Variants in PTPRG observed in about 807,000 individuals in gnomAD.
The protein encoded by PTPRG is protein tyrosine phosphatase receptor type G, also known as receptor-type tyrosine-protein phosphatase gamma.
In PTPRG, 102 loss-of-function variants were observed where a neutral mutation model predicts 165.3. The ratio of observed to expected loss-of-function variants is 0.62; its 90% CI spans 0.53 to 0.73. The LOEUF (loss-of-function observed/expected upper bound fraction) is 0.73, where lower values mean the gene tolerates loss of function less well. Among genes scored for constraint, PTPRG ranks in the 30% least tolerant of loss-of-function variants. The probability of loss-of-function intolerance (pLI) is 0.00; values close to 1 mark genes in which losing one functional copy is unlikely to be tolerated. For missense variants in PTPRG, 1,866 were observed against 1,861.4 expected, an observed-to-expected ratio of 1.00 and a Z score of -0.05; for synonymous variants, 675 against 669.5, an observed-to-expected ratio of 1.01 and a Z score of -0.13.
chr3:61,793,183 C>T (rs1334415928), intron 2 of PTPRG, among the ~76,000 whole-genome samples: 1 of 152,202 alleles, frequency 6.6e-6, no homozygotes, highest in Non-Finnish European at 1.5e-5. Flanking sequence ...CTGCTTCTCA[C>T]AGTTCTACTA....
At chr3:62,017,296 A>G (rs1426389106) in intron 4 of PTPRG, among the ~76,000 whole-genome samples, 1 of 152,208 alleles carries the variant, frequency 6.6e-6, no homozygotes, top group Non-Finnish European at 1.5e-5. Flanking sequence ...ATCCTACCCC[A>G]AAAGTATGTC....
chr3:62,288,796 A>G (rs1402665363), intron 28 of PTPRG, among the ~76,000 whole-genome samples: 1 of 152,112 alleles, frequency 6.6e-6, no homozygotes, highest in African/African-American at 2.4e-5. Context: ...ATTTGCTTCA[A>G]TATATATTGG....
intron 2 of PTPRG, among the ~76,000 whole-genome samples, chr3:61,956,090 T>TTATATATATATATATA (rs139960761): frequency 2.7e-4 from 40 of 149,074 alleles, no homozygotes; most frequent in African/African-American, 9.9e-4. Context: ...GGGAAAAAAA[T>TTATATATATATATATA]TATATATATA....
In PTPRG at chr3:61,790,402, GT is replaced by G. The variant is rs2034836195; in HGVS notation, c.190+41424del. On this transcript the variant is annotated intron_variant, in intron 2 of 29. Coordinates refer to ENST00000474889, the MANE Select transcript of PTPRG (RefSeq NM_002841.4). ...TACAAACTTGGAATTGAACAAAAAT[GT>G]TTTAGTCCAGTGGTTTGGATTAAAA... Among the ~76,000 whole-genome samples, 4 of 152,138 alleles carry G rather than the reference GT, an allele frequency of 2.6e-5. No homozygotes were observed. The South Asian group carries it at 8.3e-4, about 32-fold the overall frequency.
intron 1 of PTPRG, among the ~76,000 whole-genome samples, chr3:61,684,632 AAAAGCGG>A (rs1703562781): frequency 6.6e-6 from 1 of 152,212 alleles, no homozygotes. Flanking sequence ...CACAGGTCAT[AAAAGCGG>A]GGGCCTCTGA....
intron 18 of PTPRG, 58 bp downstream of exon 18, chr3:62,267,550 CTG>C (rs1316203316): frequency 6.5e-7 from 1 of 1,538,130 alleles, no homozygotes; most frequent in East Asian, 2.2e-5. Context: ...GCAGCAGAAA[CTG>C]TTTAATATAT....
intron 15 of PTPRG, among the ~76,000 whole-genome samples, chr3:62,251,873 G>A (rs1438902807): frequency 6.6e-6 from 1 of 152,022 alleles, no homozygotes; most frequent in Non-Finnish European, 1.5e-5. Flanking sequence ...GTTTCCTTAT[G>A]TGCACTTTGA....
At chr3:62,071,727 A>G (rs183674639) in intron 4 of PTPRG, among the ~76,000 whole-genome samples, 57 of 152,334 alleles carry the variant, frequency 3.7e-4, no homozygotes, top group African/African-American at 1.3e-3. Flanking sequence ...GATTTGAAAG[A>G]CAATTTTGAA....
intron 7 of PTPRG, among the ~76,000 whole-genome samples, chr3:62,167,058 A>G (rs150468586): frequency 1.6e-4 from 24 of 152,262 alleles, no homozygotes; most frequent in African/African-American, 5.5e-4. Flanking sequence ...TAAAAGTTAG[A>G]TCGGCAGTCC....
rs376371489 is a variant in PTPRG at position 62,203,439 on chromosome 3, G to A, written c.1644G>A (p.Ala548=). ...LPTAASASKQ[A]ARPVLATTEA... ...CGGCCGCCTCAGCCAGCAAGCAGGC[G>A]GCTAGGCCAGTCCTAGCCACCACAG... is the stretch of plus-strand genomic sequence containing the variant. Residue 548 remains alanine, a synonymous_variant, in exon 12 of 30, where the codon GCG becomes GCA. Coordinates refer to ENST00000474889, the MANE Select transcript of PTPRG (RefSeq NM_002841.4). This position sits in a 1 kb window ranked among gnomAD's most constrained non-coding sequence, Gnocchi z 6.4. The A allele has an allele frequency of 4.2e-5, 67 of 1,597,738 alleles. 1 individual carries two copies. In the South Asian group the frequency reaches 6.9e-4, roughly 17 times the overall value.
intron 2 of PTPRG, among the ~76,000 whole-genome samples, chr3:61,759,478 G>C (rs2033757390): frequency 6.6e-6 from 1 of 151,730 alleles, no homozygotes; most frequent in African/African-American, 2.4e-5. Context: ...AACAAAGTGA[G>C]GACCTGTCTC....
chr3:62,155,181 T>G (rs370785225), intron 6 of PTPRG, among the ~76,000 whole-genome samples: 1 of 152,242 alleles, frequency 6.6e-6, no homozygotes, highest in African/African-American at 2.4e-5. Flanking sequence ...ACTTTTGCAT[T>G]TATTGGGTAA....
intron 5 of PTPRG, among the ~76,000 whole-genome samples, chr3:62,097,225 G>A (rs531520011): frequency 1.6e-4 from 25 of 152,288 alleles, no homozygotes; most frequent in African/African-American, 5.8e-4. Context: ...GGTAAAGGAC[G>A]CCCTTTTCAG....
At chr3:61,644,639 T>C (rs1180022287) in intron 1 of PTPRG, among the ~76,000 whole-genome samples, 3 of 152,210 alleles carry the variant, frequency 2.0e-5, no homozygotes, top group African/African-American at 7.2e-5. Context: ...AGTTTGGCTT[T>C]TGTTAACTGG....
intron 5 of PTPRG, among the ~76,000 whole-genome samples, chr3:62,084,614 T>A (rs529295931): frequency 3.9e-4 from 60 of 152,318 alleles, no homozygotes; most frequent in Middle Eastern, 3.4e-3. Context: ...GCACCTGGGA[T>A]TATTTATAGA....
chr3:62,186,942 A>C (rs978478275), intron 8 of PTPRG, among the ~76,000 whole-genome samples: 9 of 152,208 alleles, frequency 5.9e-5, no homozygotes, highest in African/African-American at 2.2e-4. Flanking sequence ...ATGGCAAGCC[A>C]TGAGGCTGAC....
chr3:62,113,641 A>G (rs946604508), intron 5 of PTPRG, among the ~76,000 whole-genome samples: 3 of 152,230 alleles, frequency 2.0e-5, no homozygotes, highest in Non-Finnish European at 4.4e-5. Flanking sequence ...ATGAGGGACT[A>G]TTAAGGAAAA....
chr3:62,002,802 A>G (rs1417212547), intron 3 of PTPRG, among the ~76,000 whole-genome samples: 2 of 152,140 alleles, frequency 1.3e-5, no homozygotes, highest in Non-Finnish European at 2.9e-5. Context: ...TTAAATACAG[A>G]CTCCCAACTG....
chr3:62,166,197 C>CTTTTTTTTTTTTTTTT lies in PTPRG; in HGVS notation c.841-1753_841-1738dup, dbSNP rs564761041. Among the ~76,000 whole-genome samples, 6 of 53,900 alleles carry CTTTTTTTTTTTTTTTT rather than the reference C, an allele frequency of 1.1e-4. 2 individuals are homozygous for CTTTTTTTTTTTTTTTT. Among genetic ancestry groups the CTTTTTTTTTTTTTTTT allele is most frequent in the African/African-American group, 3.0e-4 (4 of 13,362 alleles). The allele number at this position is 53,900 out of a possible 152,430, so 35.4% of individuals were successfully genotyped here. Reference sequence around the variant, plus strand: ...TGGCTGCATATTTCAAATTACAGTTCTTTTTTTTTTTTTTTTTTTTTTTTT... The same window carrying CTTTTTTTTTTTTTTTT: ...TGGCTGCATATTTCAAATTACAGTTCTTTTTTTTTTTTTTTTTTTTTTTTTTTTTTTTTTTTTTTTT... On this transcript the variant is annotated intron_variant, in intron 7 of 29. Coordinates refer to ENST00000474889, the MANE Select transcript of PTPRG (RefSeq NM_002841.4).
Sources: allele counts gnomAD v4.1 joint callset (sites outside exome capture counted in the v4.1 genomes callset), GRCh38; gene constraint gnomAD v4.1.1; non-coding constraint Gnocchi (gnomAD v3.1); transcripts MANE v1.5; gene names NCBI Gene and HGNC (gene_info 2026-07-23, HGNC 2026-07-21).